The following WDFY3 variants were observed in gnomAD, a reference collection of about 807,000 sequenced individuals.
The protein encoded by WDFY3 is WD repeat and FYVE domain-containing protein 3.
Under a neutral mutation model 409.6 loss-of-function variants are expected in WDFY3, and 66 were observed. The observed-to-expected ratio is 0.16, with a 90% CI of 0.13 to 0.20. The LOEUF (loss-of-function observed/expected upper bound fraction) is 0.20, where lower values mean the gene tolerates loss of function less well. WDFY3 is among the 10% of genes least tolerant of loss of function. The probability of loss-of-function intolerance (pLI) is 1.00; values close to 1 mark genes in which losing one functional copy is unlikely to be tolerated. For synonymous variants in WDFY3, 1,521 were observed against 1,537.1 expected (o/e 0.99, Z 0.25); for missense variants, 3,031 against 4,298.1 (o/e 0.71, Z 8.24).
chr4:84,772,837 G>A lies in WDFY3; in HGVS notation c.4847C>T (p.Thr1616Ile). 1.9e-6 allele frequency: 3 copies of A among 1,609,124 alleles called. No homozygotes were observed. In the East Asian group the frequency reaches 6.7e-5, roughly 36 times the overall value. The part of the protein sequence containing the change: ...MEINNEEKLD[T>I]GTEEEFGGLV... ...TCCAAGCTCCAGAATCAACTTACCAGTGTCAAGCTTCTCTTCATTATTTAT... is the reference window on the plus strand; with the variant it reads ...TCCAAGCTCCAGAATCAACTTACCAATGTCAAGCTTCTCTTCATTATTTAT... The change falls in exon 30 of 68, where the codon ACT becomes ATT. Residue 1616 changes from threonine (T) to isoleucine (I), a missense_variant and splice_region_variant. By Grantham distance (89) the Thr-to-Ile change is moderately conservative. Transcript: ENST00000295888.
chr4:84,770,149 C>G (rs1479217754), intron 30 of WDFY3, among the ~76,000 whole-genome samples: 4 of 151,974 alleles, frequency 2.6e-5, no homozygotes, highest in Non-Finnish European at 5.9e-5. Context: ...CTGCCTCAGC[C>G]TCCTGAGTAG....
chr4:84,951,423 C>T (rs940154095), intron 1 of WDFY3, among the ~76,000 whole-genome samples: 1 of 152,166 alleles, frequency 6.6e-6, no homozygotes, highest in Non-Finnish European at 1.5e-5. Context: ...AATTTAATTA[C>T]TTTACCATCT....
intron 5 of WDFY3, among the ~76,000 whole-genome samples, chr4:84,845,191 T>C (rs1055140048): frequency 1.3e-5 from 2 of 152,030 alleles, no homozygotes; most frequent in African/African-American, 4.8e-5. Flanking sequence ...TTCAGAGGGG[T>C]ACTGGAAGAA....
intron 1 of WDFY3, among the ~76,000 whole-genome samples, chr4:84,940,706 C>T (rs1771999848): frequency 6.6e-6 from 1 of 151,736 alleles, no homozygotes; most frequent in African/African-American, 2.4e-5. Flanking sequence ...CAAAACCAGA[C>T]AAAGAGATTA....
intron 2 of WDFY3, among the ~76,000 whole-genome samples, chr4:84,912,051 C>G (rs1460426562): frequency 1.3e-5 from 2 of 152,172 alleles, no homozygotes; most frequent in Non-Finnish European, 2.9e-5. Context: ...AGCAGTTTGT[C>G]TCTCCAGTAA....
At chr4:84,795,006 T>C (rs1167162464) in intron 19 of WDFY3, 27 bp from the exon 20 acceptor site, 17 of 1,478,726 alleles carry the variant, frequency 1.1e-5, no homozygotes, top group Non-Finnish European at 1.3e-5. Context: ...AACATACATA[T>C]TAGAGATCAA....
intron 30 of WDFY3, 32 bp downstream of exon 30, chr4:84,772,803 A>C: frequency 1.9e-6 from 3 of 1,564,074 alleles, no homozygotes; most frequent in Non-Finnish European, 2.6e-6. Flanking sequence ...TTAGTTGACC[A>C]CTATCTTCTC....
chr4:84,858,559 A>G (rs1418639429), intron 4 of WDFY3, among the ~76,000 whole-genome samples: 1 of 152,222 alleles, frequency 6.6e-6, no homozygotes, highest in Non-Finnish European at 1.5e-5. Context: ...TATAAGATAT[A>G]GAGGAGAATA....
intron 51 of WDFY3, 91 bp downstream of exon 51, chr4:84,713,068 C>T (rs1733214522): frequency 4.3e-6 from 6 of 1,385,020 alleles, no homozygotes; most frequent in African/African-American, 1.5e-5. Context: ...AGGGGAAAAA[C>T]ACTCATCTAA....
chr4:84,721,475 G>A lies in WDFY3; in HGVS notation c.7539C>T (p.Ser2513=). The A allele has an allele frequency of 6.2e-7, 1 of 1,613,320 alleles. No individual in the cohort carries two copies. Among genetic ancestry groups the A allele is most frequent in the Non-Finnish European group, 8.5e-7 (1 of 1,180,034 alleles). Residue 2513 remains serine (S), a synonymous_variant, in exon 47 of 68, where the codon AGC becomes AGT. Coordinates refer to ENST00000295888, the MANE Select transcript of WDFY3 (RefSeq NM_014991.6). ...CTGTTTTCTCCTCCTCTTCTATGGA[G>A]CTGCCCTCAGCAATCTGGTCTTGTA... is the stretch of plus-strand genomic sequence containing the variant. ...EQLQDQIAEG[S]SIEEEEKTDN...
At chr4:84,835,748 G>C (rs1050174481) in intron 7 of WDFY3, among the ~76,000 whole-genome samples, 1 of 152,064 alleles carries the variant, frequency 6.6e-6, no homozygotes, top group Non-Finnish European at 1.5e-5. Context: ...ACTCTATACA[G>C]CTCTATCTTT....
chr4:84,761,923 A>C (rs1742683491), intron 32 of WDFY3, among the ~76,000 whole-genome samples: 1 of 152,198 alleles, frequency 6.6e-6, no homozygotes, highest in South Asian at 2.1e-4. Context: ...ATATCATCTC[A>C]CACCAGTTAG....
At chr4:84,790,016 T>G in intron 21 of WDFY3, 109 bp from the exon 22 acceptor site, 1 of 1,169,428 alleles carries the variant, frequency 8.6e-7, no homozygotes, top group Non-Finnish European at 1.2e-6. Context: ...AAAATAATGA[T>G]GCAGACTGAT....
Position 84,735,131 on chromosome 4 carries a change from A to G in WDFY3, c.6916-11T>C. 1 of 1,608,512 alleles carries G rather than the reference A, an allele frequency of 6.2e-7. No individual in the cohort carries two copies. The highest frequency in any genetic ancestry group is 8.5e-7 in the Non-Finnish European group (1 of 1,177,854). On this transcript the variant is annotated splice_polypyrimidine_tract_variant and intron_variant, in intron 42 of 67. Coordinates refer to ENST00000295888, the MANE Select transcript of WDFY3 (RefSeq NM_014991.6). ...CCACTGCGAAATCTCCTAACAATGGATGGAAAAAGAGTCTTAATATTTCAT... is the reference window on the plus strand; with the variant it reads ...CCACTGCGAAATCTCCTAACAATGGGTGGAAAAAGAGTCTTAATATTTCAT...
intron 53 of WDFY3, among the ~76,000 whole-genome samples, chr4:84,706,297 C>A (rs528652269): frequency 2.0e-5 from 3 of 152,122 alleles, no homozygotes; most frequent in Admixed American, 1.3e-4. Flanking sequence ...AACTGATCTA[C>A]ATTTATGAAT....
chr4:84,770,021 C>A (rs1297271243), intron 30 of WDFY3, among the ~76,000 whole-genome samples: 1 of 151,778 alleles, frequency 6.6e-6, no homozygotes, highest in Non-Finnish European at 1.5e-5. Flanking sequence ...AACTTTTAAA[C>A]TGAGTTATAT....
chr4:84,956,759 T>C (rs1031000576), intron 1 of WDFY3, among the ~76,000 whole-genome samples: 1 of 152,144 alleles, frequency 6.6e-6, no homozygotes, highest in African/African-American at 2.4e-5. Context: ...GGCTTCAGTT[T>C]TTTTAAGGCT....
intron 30 of WDFY3, 140 bp from the exon 31 acceptor site, chr4:84,766,512 A>G: frequency 1.3e-6 from 1 of 771,842 alleles, no homozygotes; most frequent in Non-Finnish European, 2.0e-6. Flanking sequence ...CAACATGGAC[A>G]AGAAAAAGGG....
At chr4:84,722,979 T>A (rs1220938547) in intron 46 of WDFY3, among the ~76,000 whole-genome samples, 1 of 152,174 alleles carries the variant, frequency 6.6e-6, no homozygotes. Flanking sequence ...AATCAAAACC[T>A]CCATTTCTAT....
Sources: gnomAD v4.1 joint callset for allele counts (sites outside exome capture counted in the v4.1 genomes callset) on GRCh38, gnomAD v4.1.1 for gene constraint, MANE v1.5 for transcripts, NCBI Gene and HGNC (gene_info 2026-07-23, HGNC 2026-07-21) for gene names.